PPFIA1: variants seen among roughly 807,000 people sequenced by gnomAD.
The protein encoded by PPFIA1 is liprin-alpha-1.
Under a neutral mutation model 149.9 loss-of-function variants are expected in PPFIA1, and 25 were observed. That is an observed-to-expected ratio of 0.17 (90% CI 0.12 to 0.23). PPFIA1 has a LOEUF of 0.23. PPFIA1 is among the 10% of genes least tolerant of loss of function. PPFIA1 has a pLI of 1.00. For missense variants in PPFIA1, 1,362 were observed against 1,506.5 expected, an observed-to-expected ratio of 0.90 and a Z score of 1.59; for synonymous variants, 549 against 552.8, an observed-to-expected ratio of 0.99 and a Z score of 0.10.
At chr11:70,286,091 T>C (rs2051099771) in intron 2 of PPFIA1, among the ~76,000 whole-genome samples, 1 of 152,164 alleles carries the variant, frequency 6.6e-6, no homozygotes, top group Non-Finnish European at 1.5e-5. Flanking sequence ...CCTCCACTCT[T>C]GGCCACTGTG....
At chr11:70,371,909 A>G (rs2057286077) in intron 21 of PPFIA1, 2 of 201,844 alleles carry the variant, frequency 9.9e-6, no homozygotes, top group African/African-American at 4.7e-5. Flanking sequence ...TCTTTGTCAC[A>G]TTATTATACT....
chr11:70,324,665 A>G (rs944812175), intron 3 of PPFIA1, among the ~76,000 whole-genome samples, 162 bp downstream of exon 3: 2 of 152,230 alleles, frequency 1.3e-5, no homozygotes, highest in Non-Finnish European at 2.9e-5. Flanking sequence ...TCACACATTA[A>G]TGGCTTGAAA....
At chr11:70,377,054 CAG>C (rs1205868006) in intron 25 of PPFIA1, among the ~76,000 whole-genome samples, 1 of 151,374 alleles carries the variant, frequency 6.6e-6, no homozygotes, top group African/African-American at 2.4e-5. Context: ...GCCTGGGCGA[CAG>C]AGAGAAACTC....
rs1000298799 is a variant in PPFIA1 at position 70,325,390 on chromosome 11, A to G, written c.532-110A>G. 3 of 579,246 alleles carry G rather than the reference A, an allele frequency of 5.2e-6. No individual in the cohort carries two copies. In the South Asian group the frequency reaches 1.0e-4, roughly 20 times the overall value. The allele number at this position is 579,246 out of a possible 1,614,324, so 35.9% of individuals were successfully genotyped here. A position where few individuals can be genotyped will look rare whatever the true frequency, so the allele number is the denominator to read the frequency against. On this transcript the variant is annotated intron_variant, in intron 4 of 27. Transcript: ENST00000253925. ...GACATTAATGGTATTTTATTATGTT[A>G]TATTACACTAATATATACATTAAGT...
chr11:70,311,244 G>A (rs555352223), intron 2 of PPFIA1, among the ~76,000 whole-genome samples: 14 of 151,816 alleles, frequency 9.2e-5, no homozygotes, highest in African/African-American at 3.4e-4. Flanking sequence ...GAAGGTGGAG[G>A]TTGTGGTGAG....
At chr11:70,354,120 C>T in intron 16 of PPFIA1, 181 bp from the exon 17 acceptor site, 1 of 599,716 alleles carries the variant, frequency 1.7e-6, no homozygotes, top group Non-Finnish European at 2.8e-6. Flanking sequence ...GACCAGGAGT[C>T]TGACAACTCT....
At position 70,383,498 on chromosome 11, in the gene PPFIA1, C is replaced by T. The variant is rs1257309549; in HGVS notation, c.*508C>T. ...CGCAGCCTAGCTCTACAGCAATCAT[C>T]CTGAAATAAGCATACCTAATTTCAA... On this transcript the variant is annotated 3_prime_UTR_variant, in exon 28 of 28. Coordinates refer to ENST00000253925, the MANE Select transcript of PPFIA1 (RefSeq NM_003626.5). 1 of 157,642 alleles carries T rather than the reference C, an allele frequency of 6.3e-6. No individual in the cohort carries two copies. Among genetic ancestry groups the T allele is most frequent in the East Asian group, 1.9e-4 (1 of 5,306 alleles). 9.8% of individuals were successfully genotyped at this position (157,642 alleles called of 1,614,324 possible). A position where few individuals can be genotyped will look rare whatever the true frequency, so the allele number is the denominator to read the frequency against.
intron 16 of PPFIA1, chr11:70,350,902 A>G (rs2056016157): frequency 1.7e-6 from 1 of 605,392 alleles, no homozygotes; most frequent in Admixed American, 5.6e-5. Context: ...TTCTATTTTA[A>G]TATATTTGCT....
At chr11:70,377,133 GTT>G (rs1363898272) in intron 25 of PPFIA1, among the ~76,000 whole-genome samples, 1 of 151,812 alleles carries the variant, frequency 6.6e-6, no homozygotes, top group East Asian at 1.9e-4. Flanking sequence ...CAAGAAGGTA[GTT>G]TTGTTTTTAT....
chr11:70,343,640 C>G (rs1183056890), intron 14 of PPFIA1, 29 bp from the exon 15 acceptor site: 1 of 1,572,452 alleles, frequency 6.4e-7, no homozygotes, highest in Admixed American at 1.7e-5. Context: ...GTTACTTTAT[C>G]TACTGAGATT....
intron 21 of PPFIA1, chr11:70,365,869 C>A: frequency 2.2e-6 from 1 of 446,796 alleles, no homozygotes; most frequent in Admixed American, 2.5e-5. Flanking sequence ...TGCAGAGTTG[C>A]GTTGCCTGCA....
chr11:70,382,913 G>A, intron 27 of PPFIA1, 90 bp from the exon 28 acceptor site: 6 of 351,514 alleles, frequency 1.7e-5, no homozygotes, highest in South Asian at 1.3e-4. Flanking sequence ...CAGTGTCGGG[G>A]GGACGTTTGG....
intron 12 of PPFIA1, 125 bp from the exon 13 acceptor site, chr11:70,338,249 G>C: frequency 1.4e-6 from 1 of 734,866 alleles, no homozygotes; most frequent in South Asian, 1.8e-5. Context: ...GAATTAAAAT[G>C]TTTGGTATTT....
chr11:70,381,956 C>A, intron 26 of PPFIA1, 132 bp from the exon 27 acceptor site: 1 of 705,056 alleles, frequency 1.4e-6, no homozygotes, highest in Non-Finnish European at 2.4e-6. Flanking sequence ...CCCACTCAGG[C>A]AGCTCCCCTC....
At chr11:70,336,659 C>G (rs2137019646) in intron 11 of PPFIA1, among the ~76,000 whole-genome samples, 1 of 152,270 alleles carries the variant, frequency 6.6e-6, no homozygotes, top group Admixed American at 6.5e-5. Flanking sequence ...AAGTTTAAGC[C>G]TGGACTCTGA....
At position 70,283,237 on chromosome 11, in the gene PPFIA1, A is replaced by G. The variant is rs1225788488; in HGVS notation, c.264+10801A>G. ...GTTTCAGTTGCATTTTCAAATGGAG[A>G]TTTTATTTTAAACTGGAGTGCAGTG... On this transcript the variant is annotated intron_variant, in intron 2 of 27. Transcript: ENST00000253925. Among the ~76,000 whole-genome samples the G allele has an allele frequency of 4.0e-5, 6 of 150,136 alleles. No homozygotes were observed. In the East Asian group the frequency reaches 1.2e-3, roughly 29 times the overall value.
chr11:70,381,963 C>G, intron 26 of PPFIA1, 125 bp from the exon 27 acceptor site: 1 of 774,234 alleles, frequency 1.3e-6, no homozygotes, highest in Non-Finnish European at 2.1e-6. Context: ...AGGCAGCTCC[C>G]CTCAGGTCCC....
At chr11:70,322,286 G>A (rs759621589) in intron 2 of PPFIA1, among the ~76,000 whole-genome samples, 13 of 152,154 alleles carry the variant, frequency 8.5e-5, no homozygotes, top group East Asian at 5.8e-4. Flanking sequence ...ACAGTGTTTC[G>A]TTAAAGTTAG....
At position 70,366,116 on chromosome 11, in the gene PPFIA1, G is replaced by A. The variant is rs1328354484; in HGVS notation, c.2865+3628G>A. 1.1e-5 allele frequency: 4 copies of A among 351,492 alleles called. No individual in the cohort carries two copies. The East Asian group carries it at 3.2e-4, about 28-fold the overall frequency. 21.8% of individuals were successfully genotyped at this position (351,492 alleles called of 1,614,324 possible). On this transcript the variant is annotated intron_variant, in intron 21 of 27. Coordinates refer to ENST00000253925, the MANE Select transcript of PPFIA1 (RefSeq NM_003626.5). ...GGATTGTTAATGATTTGAAAGCACT[G>A]GTCAAGCAAAACATAGCATCAAAGA...
Sources: allele counts gnomAD v4.1 joint callset (sites outside exome capture counted in the v4.1 genomes callset), GRCh38; gene constraint gnomAD v4.1.1; transcripts MANE v1.5; gene names NCBI Gene and HGNC (gene_info 2026-07-23, HGNC 2026-07-21).